Variants in ARID4A observed in about 807,000 individuals in gnomAD.
The protein encoded by ARID4A is AT-rich interactive domain-containing protein 4A.
ARID4A carries 39 observed loss-of-function variants against 148.6 expected under a neutral mutation model. That is an observed-to-expected ratio of 0.26 (90% CI 0.20 to 0.34). ARID4A has a LOEUF of 0.34. Among genes scored for constraint, ARID4A ranks in the 10% least tolerant of loss-of-function variants. The pLI is 1.00. For missense variants in ARID4A, 1,265 were observed against 1,449.1 expected (o/e 0.87, Z 2.06); for synonymous variants, 475 against 481.2 (o/e 0.99, Z 0.17).
At chr14:58,361,669 A>T (rs548601285) in intron 19 of ARID4A, among the ~76,000 whole-genome samples, 2 of 152,312 alleles carry the variant, frequency 1.3e-5, no homozygotes, top group South Asian at 4.1e-4. Context: ...AACAAACAGC[A>T]GGCTTTCAGT....
chr14:58,299,422 A>G (rs1183061405), intron 1 of ARID4A: 1 of 162,322 alleles, frequency 6.2e-6, no homozygotes, highest in South Asian at 1.7e-4. Context: ...AAGTCGGGGT[A>G]TCCGGGGGAC....
rs1566705429 is a variant in ARID4A, at chr14:58,346,404, T to C, written c.980-7T>C. 1 of 1,580,880 alleles carries C rather than the reference T, an allele frequency of 6.3e-7. No homozygotes were observed. Among genetic ancestry groups the C allele is most frequent in the Middle Eastern group, 1.7e-4 (1 of 5,934 alleles). On this transcript the variant is annotated splice_polypyrimidine_tract_variant and splice_region_variant and intron_variant, in intron 12 of 23. Transcript: ENST00000355431. The stretch of plus-strand genomic sequence containing the variant: ...ACATTTTATTTCTACCTACTTACAT[T>C]GAAAAGGTACTCCAATCAACAAACC...
chr14:58,360,393 A>C (rs1468958278), intron 18 of ARID4A, among the ~76,000 whole-genome samples: 1 of 152,198 alleles, frequency 6.6e-6, no homozygotes, highest in Non-Finnish European at 1.5e-5. Context: ...TTGACTTTTA[A>C]ATGCTAGAAG....
chr14:58,331,059 A>C (rs920507677), intron 11 of ARID4A, among the ~76,000 whole-genome samples: 2 of 152,256 alleles, frequency 1.3e-5, no homozygotes, highest in Non-Finnish European at 2.9e-5. Flanking sequence ...TTAAATACAC[A>C]AATATGAATT....
intron 19 of ARID4A, among the ~76,000 whole-genome samples, chr14:58,363,695 C>G (rs1382480589): frequency 7.0e-6 from 1 of 143,832 alleles, no homozygotes; most frequent in Non-Finnish European, 1.5e-5. Flanking sequence ...GACTATGTCT[C>G]AAAAAAAAAA....
chr14:58,327,247 G>A (rs1222718835), intron 8 of ARID4A, among the ~76,000 whole-genome samples: 1 of 152,182 alleles, frequency 6.6e-6, no homozygotes, highest in Admixed American at 6.5e-5. Flanking sequence ...GATATAGAAC[G>A]TTTCCATCAG....
chr14:58,332,015 C>A (rs1244457697), intron 11 of ARID4A, among the ~76,000 whole-genome samples: 6 of 104,186 alleles, frequency 5.8e-5, no homozygotes, highest in Non-Finnish European at 8.0e-5. Flanking sequence ...CCCCAAAAAA[C>A]CCTGAAATTT....
chr14:58,329,181 T>A (rs1025098107), intron 9 of ARID4A, among the ~76,000 whole-genome samples: 9 of 152,176 alleles, frequency 5.9e-5, no homozygotes, highest in Non-Finnish European at 1.2e-4. Context: ...TTTACTAAAA[T>A]GAAAAATAAA....
rs545103388 is a variant in ARID4A, at chr14:58,366,879, T to C, written c.3524-4T>C. 7 of 1,492,914 alleles carry C rather than the reference T, an allele frequency of 4.7e-6. No homozygotes were observed. The African/African-American group carries it at 5.9e-5, about 13-fold the overall frequency. 92.5% of individuals were successfully genotyped at this position (1,492,914 alleles called of 1,614,324 possible). ...TCCAAATTAACTTCTTTCCCCCCTT[T>C]TAGATGAATTAGATAATATGAACAG... On this transcript the variant is annotated splice_polypyrimidine_tract_variant and splice_region_variant and intron_variant, in intron 22 of 23. Transcript: ENST00000355431.
At chr14:58,341,541 C>T (rs2034118804) in intron 11 of ARID4A, among the ~76,000 whole-genome samples, 1 of 152,178 alleles carries the variant, frequency 6.6e-6, no homozygotes. Context: ...GTTATATTGG[C>T]TTCTTTTACC....
rs1333269136 is a variant in ARID4A at position 58,306,015 on chromosome 14, A to G, written c.184-7A>G. 3 of 1,611,718 alleles carry G rather than the reference A, an allele frequency of 1.9e-6. No homozygotes were observed. Among genetic ancestry groups the G allele is most frequent in the Non-Finnish European group, 2.5e-6 (3 of 1,178,308 alleles). On this transcript the variant is annotated splice_region_variant and splice_polypyrimidine_tract_variant and intron_variant, in intron 4 of 23. Coordinates refer to ENST00000355431, the MANE Select transcript of ARID4A (RefSeq NM_002892.4). ...TTTGGTAAGGAAATTGGGATTTCAC[A>G]TTTTAGGTTGGAGCTATTGTTGAAA... is the stretch of plus-strand genomic sequence containing the variant.
In ARID4A at chr14:58,301,581, C is replaced by G. The variant is rs146509016; in HGVS notation, c.8C>G (p.Ala3Gly). The change falls in exon 3 of 24, where the codon GCG (alanine) becomes GGG (glycine). Residue 3 changes from alanine to glycine, a missense_variant and splice_region_variant. Physicochemically the swap from Ala to Gly is moderately conservative, Grantham distance 60 (BLOSUM62 0). Around this residue, in one of 9 missense-constraint regions of ARID4A, gnomAD observed 22 missense variants for 43.8 expected, o/e 0.50. Coordinates refer to ENST00000355431, the MANE Select transcript of ARID4A (RefSeq NM_002892.4). ...ACAGTTTTATGTTCCTTTCACCAGG[C>G]GGCAGATGAGCCTGCCTACCTGACA... MKAADEPAYLTVG... is the reference protein window; with the variant it reads MKGADEPAYLTVG... 6.2e-7 allele frequency: 1 copy of G among 1,611,152 alleles called. No individual in the cohort carries two copies. The highest frequency in any genetic ancestry group is 1.7e-5 in the Admixed American group (1 of 59,920).
chr14:58,364,772 A>G lies in ARID4A; in HGVS notation c.2683A>G (p.Met895Val), dbSNP rs1366257627. Residue 895 changes from methionine to valine, a missense_variant, in exon 20 of 24, where the codon ATG becomes GTG. Met to Val is a conservative substitution (Grantham distance 21, BLOSUM62 1). Coordinates refer to ENST00000355431, the MANE Select transcript of ARID4A (RefSeq NM_002892.4). ...CAGTGATTGTATTGGATCTGAGGGA[A>G]TGAAAAACTTAAATTTTGAACAGCA... is the stretch of plus-strand genomic sequence containing the variant. The part of the protein sequence containing the change: ...RTSDCIGSEG[M>V]KNLNFEQHFE... The G allele has an allele frequency of 3.1e-6, 5 of 1,614,052 alleles. No homozygotes were observed. Among genetic ancestry groups the G allele is most frequent in the South Asian group, 1.1e-5 (1 of 91,086 alleles).
intron 7 of ARID4A, 48 bp downstream of exon 7, chr14:58,318,853 C>T (rs374667666): frequency 6.8e-7 from 1 of 1,469,342 alleles, no homozygotes; most frequent in South Asian, 1.2e-5. Flanking sequence ...TTATTATAAC[C>T]TTAAACAAGG....
chr14:58,312,789 C>T (rs2140149837), intron 5 of ARID4A, among the ~76,000 whole-genome samples: 1 of 152,190 alleles, frequency 6.6e-6, no homozygotes, highest in Non-Finnish European at 1.5e-5. Context: ...CTTTCTGATT[C>T]TGTTTCTTTA....
At position 58,373,857 on chromosome 14, in the gene ARID4A, A is replaced by G. The variant is rs1241552706; in HGVS notation, c.*1868A>G. On this transcript the variant is annotated 3_prime_UTR_variant, in exon 24 of 24. Transcript: ENST00000355431. ...GTATATTCAGCCTTTACAATAAAATATTTCTACTAATTATAAAAATGAAAA... is the reference window on the plus strand; with the variant it reads ...GTATATTCAGCCTTTACAATAAAATGTTTCTACTAATTATAAAAATGAAAA... 6.5e-6 allele frequency: 1 copy of G among 153,466 alleles called. No individual in the cohort carries two copies. Among genetic ancestry groups the G allele is most frequent in the Non-Finnish European group, 1.5e-5 (1 of 68,798 alleles). 9.5% of individuals were successfully genotyped at this position (153,466 alleles called of 1,614,324 possible). A position where few individuals can be genotyped will look rare whatever the true frequency, so the allele number is the denominator to read the frequency against.
Position 58,318,592 on chromosome 14 carries a change from A to C in ARID4A, c.325A>C (p.Lys109Gln). ...RTLRRTSLCLKGERHFAESET... is the reference protein window; with the variant it reads ...RTLRRTSLCLQGERHFAESET... ...ATTGAGACGTACCTCACTTTGTCTGAAAGGAGAGAGACATTTTGCAGAGAG... is the reference window on the plus strand; with the variant it reads ...ATTGAGACGTACCTCACTTTGTCTGCAAGGAGAGAGACATTTTGCAGAGAG... Residue 109 changes from lysine to glutamine, a missense_variant, in exon 6 of 24, where the codon AAA becomes CAA. Transcript: ENST00000355431. The C allele has an allele frequency of 6.2e-7, 1 of 1,614,184 alleles. No homozygotes were observed. Among genetic ancestry groups the C allele is most frequent in the Non-Finnish European group, 8.5e-7 (1 of 1,180,018 alleles).
At chr14:58,306,298 G>A (rs887126568) in intron 5 of ARID4A, among the ~76,000 whole-genome samples, 186 bp downstream of exon 5, 1 of 152,164 alleles carries the variant, frequency 6.6e-6, no homozygotes, top group Non-Finnish European at 1.5e-5. Context: ...CTTACAGTAA[G>A]TTGGCCACTT....
chr14:58,315,319 G>A (rs1281004182), intron 5 of ARID4A, among the ~76,000 whole-genome samples: 1 of 151,906 alleles, frequency 6.6e-6, no homozygotes, highest in African/African-American at 2.4e-5. Context: ...TTATTTCAAA[G>A]TGATTATTGA....
Sources: gnomAD v4.1 joint callset for allele counts (sites outside exome capture counted in the v4.1 genomes callset) on GRCh38, gnomAD v4.1.1 for gene constraint, gnomAD v4.1.1 regional missense constraint, MANE v1.5 for transcripts, NCBI Gene and HGNC (gene_info 2026-07-23, HGNC 2026-07-21) for gene names.